The following EID3 variants were observed in gnomAD, a reference collection of about 807,000 sequenced individuals.
EID3 encodes EP300 interacting inhibitor of differentiation 3.
A neutral mutation model predicts 1.6 loss-of-function variants in EID3; 3 were observed. The ratio of observed to expected loss-of-function variants is 1.87; its 90% CI spans 0.85 to 4.83. The LOEUF is 4.83. EID3 is among the 30% of genes most tolerant of loss of function. The probability of loss-of-function intolerance (pLI) is 0.02; values close to 1 mark genes in which losing one functional copy is unlikely to be tolerated. For synonymous variants in EID3, 164 were observed against 148.1 expected (o/e 1.11, Z -0.78); for missense variants, 471 against 409.9 (o/e 1.15, Z -1.29).
Position 104,304,756 on chromosome 12 carries a change from G to C in EID3, c.822G>C (p.Arg274Ser). The C allele has an allele frequency of 1.9e-6, 3 of 1,613,958 alleles. No individual in the cohort carries two copies. The highest frequency in any genetic ancestry group is 2.5e-6 in the Non-Finnish European group (3 of 1,179,892). The change falls in exon 1 of 1, where the codon AGG becomes AGC. Residue 274 changes from arginine to serine, a missense_variant. Physicochemically the swap from Arg to Ser is moderately radical, Grantham distance 110 (BLOSUM62 -1). Transcript: ENST00000527879. ...TAAGAGATGGTTTTGCAAGAATAAG[G>C]CTTGATGAAGACAGGCTGCCAATAT... ...FIVRDGFARI[R>S]LDEDRLPILE...
At position 104,305,002 on chromosome 12, in the gene EID3, A is replaced by G; in HGVS notation, c.*66A>G. 2 of 1,442,798 alleles carry G rather than the reference A, an allele frequency of 1.4e-6. No homozygotes were observed. The highest frequency in any genetic ancestry group is 1.9e-6 in the Non-Finnish European group (2 of 1,077,106). 89.4% of individuals were successfully genotyped at this position (1,442,798 alleles called of 1,614,324 possible). On this transcript the variant is annotated 3_prime_UTR_variant, in exon 1 of 1. Coordinates refer to ENST00000527879, the MANE Select transcript of EID3 (RefSeq NM_001008394.3). ...AAGTTAGATGGAGAGTAAAATGTAA[A>G]CTGAAGCACATATTGTATCTCTTGT... is the stretch of plus-strand genomic sequence containing the variant.
Position 104,304,531 on chromosome 12 carries a change from C to T in EID3, c.597C>T (p.Gly199=). 1 of 1,613,964 alleles carries T rather than the reference C, an allele frequency of 6.2e-7. No individual in the cohort carries two copies. Among genetic ancestry groups the T allele is most frequent in the Non-Finnish European group, 8.5e-7 (1 of 1,179,872 alleles). Residue 199 remains glycine, a synonymous_variant, in exon 1 of 1, where the codon GGC becomes GGT. Transcript: ENST00000527879. The stretch of plus-strand genomic sequence containing the variant: ...AAGTTCGCAAGATGGAAGAAAATGG[C>T]AACATGCCTACAAAGTTGCAGAAGT... ...QKKVRKMEEN[G]NMPTKLQKLD... is the part of the protein sequence containing the mutation.
At position 104,304,174 on chromosome 12, in the gene EID3, G is replaced by T. The variant is rs1275776819; in HGVS notation, c.240G>T (p.Val80=). ...LEEANVLFDG[V]SRTREAALDA... ...AAGCCAACGTCCTCTTTGATGGCGTGAGCCGAACCAGAGAAGCAGCCCTCG... is the reference window on the plus strand; with the variant it reads ...AAGCCAACGTCCTCTTTGATGGCGTTAGCCGAACCAGAGAAGCAGCCCTCG... The change falls in exon 1 of 1, where the codon GTG becomes GTT. Residue 80 remains valine (V), a synonymous_variant. Transcript: ENST00000527879. 1 of 1,613,968 alleles carries T rather than the reference G, an allele frequency of 6.2e-7. No individual in the cohort carries two copies. The highest frequency in any genetic ancestry group is 1.3e-5 in the African/African-American group (1 of 74,948).
Position 104,304,586 on chromosome 12 carries a change from GAAA to G in EID3, c.657_659del (p.Lys219del). ...CCTGAGTAGTTATCCAGAAGCGACA[GAAA>G]AAAACGTAGAAAGGATTTTGGGATT... On this transcript the variant is annotated inframe_deletion, in exon 1 of 1. Transcript: ENST00000527879. 1.2e-6 allele frequency: 2 copies of G among 1,613,946 alleles called. No individual in the cohort carries two copies. Among genetic ancestry groups the G allele is most frequent in the Admixed American group, 1.7e-5 (1 of 60,004 alleles).
chr12:104,304,359 G>T lies in EID3; in HGVS notation c.425G>T (p.Cys142Phe). 6.2e-7 allele frequency: 1 copy of T among 1,614,026 alleles called. No homozygotes were observed. Among genetic ancestry groups the T allele is most frequent in the Non-Finnish European group, 8.5e-7 (1 of 1,179,908 alleles). ...GGCGATCCTGACAAGTTGAGTGATTGTGATGATAGCATAGCTCTTTCCTTC... is the reference window on the plus strand; with the variant it reads ...GGCGATCCTGACAAGTTGAGTGATTTTGATGATAGCATAGCTCTTTCCTTC... ...MEGDPDKLSD[C>F]DDSIALSFWK... Residue 142 changes from cysteine (C) to phenylalanine (F), a missense_variant, in exon 1 of 1, where the codon TGT becomes TTT. By Grantham distance (205) the Cys-to-Phe change is radical (BLOSUM62 -2). Transcript: ENST00000527879.
rs2034751614 is a variant in EID3, at chr12:104,303,821, A to G, written c.-114A>G. ...TACCTCAGAGATACCCGTGGCCGGC[A>G]TGTTGGTTGAAAAAGCTTCCCGGAA... On this transcript the variant is annotated 5_prime_UTR_variant, in exon 1 of 1. It removes an upstream start codon present in the reference 5' UTR. Coordinates refer to ENST00000527879, the MANE Select transcript of EID3 (RefSeq NM_001008394.3). 2.8e-6 allele frequency: 4 copies of G among 1,415,192 alleles called. No homozygotes were observed. Among genetic ancestry groups the G allele is most frequent in the East Asian group, 2.5e-5 (1 of 39,572 alleles). 87.7% of individuals were successfully genotyped at this position (1,415,192 alleles called of 1,614,324 possible).
At position 104,304,225 on chromosome 12, in the gene EID3, T is replaced by C. The variant is rs764739167; in HGVS notation, c.291T>C (p.Ser97=). 11 of 1,613,966 alleles carry C rather than the reference T, an allele frequency of 6.8e-6. No individual in the cohort carries two copies. Among genetic ancestry groups the C allele is most frequent in the Non-Finnish European group, 9.3e-6 (11 of 1,179,914 alleles). Residue 97 remains serine (S), a synonymous_variant, in exon 1 of 1, where the codon TCT becomes TCC. Transcript: ENST00000527879. ...ACGCCCGGTTTCTTGTTATGGCTTCTGATTTGGGTAAAGAAAAGGCAAAGC... is the reference window on the plus strand; with the variant it reads ...ACGCCCGGTTTCTTGTTATGGCTTCCGATTTGGGTAAAGAAAAGGCAAAGC... ...ALDARFLVMA[S]DLGKEKAKQL...
In EID3 at chr12:104,304,617, T is replaced by C. The variant is rs868212037; in HGVS notation, c.683T>C (p.Leu228Ser). 3.1e-6 allele frequency: 5 copies of C among 1,613,952 alleles called. No individual in the cohort carries two copies. The highest frequency in any genetic ancestry group is 4.2e-6 in the Non-Finnish European group (5 of 1,179,810). The change falls in exon 1 of 1, where the codon TTG becomes TCG. Residue 228 changes from leucine to serine, a missense_variant. By Grantham distance (145) the Leu-to-Ser change is moderately radical. Transcript: ENST00000527879. Reference protein sequence around the residue: ...EKNVERILGLLQTYFRKYPDT... With the variant: ...EKNVERILGLSQTYFRKYPDT... ...AACGTAGAAAGGATTTTGGGATTGT[T>C]GCAAACCTACTTTCGAAAGTATCCT... is the stretch of plus-strand genomic sequence containing the variant.
rs775026734 is a variant in EID3 at position 104,304,281 on chromosome 12, A to G, written c.347A>G (p.Gln116Arg). 50 of 1,613,932 alleles carry G rather than the reference A, an allele frequency of 3.1e-5. No homozygotes were observed. The Admixed American group carries it at 8.2e-4, about 26-fold the overall frequency. ...AACTCAGATATGAACTTCTTTAATC[A>G]GTTAGCATTTTGTGACTTTCTGTTT... The part of the protein sequence containing the change: ...QLNSDMNFFN[Q>R]LAFCDFLFLF... The change falls in exon 1 of 1, where the codon CAG becomes CGG. Residue 116 changes from glutamine (Q) to arginine (R), a missense_variant. Coordinates refer to ENST00000527879, the MANE Select transcript of EID3 (RefSeq NM_001008394.3).
In EID3 at chr12:104,303,941, A is replaced by G. The variant is rs1396069524; in HGVS notation, c.7A>G (p.Met3Val). The change falls in exon 1 of 1, where the codon ATG becomes GTG. Residue 3 changes from methionine (M) to valine (V), a missense_variant. By Grantham distance (21) the Met-to-Val change is conservative (BLOSUM62 1). Coordinates refer to ENST00000527879, the MANE Select transcript of EID3 (RefSeq NM_001008394.3). ...GGCGGCGGAGGGAGCGCTGATGAAG[A>G]TGGATGTGTCAGTGAGGGCCGCGGG... The part of the protein sequence containing the change: MK[M>V]DVSVRAAGCS... 6.3e-7 allele frequency: 1 copy of G among 1,595,006 alleles called. No individual in the cohort carries two copies. Among genetic ancestry groups the G allele is most frequent in the Non-Finnish European group, 8.5e-7 (1 of 1,175,618 alleles).
chr12:104,303,755 G>C lies in EID3; in HGVS notation c.-180G>C. ...CTAGTGCGCATGGGCGGGCGTCCTC[G>C]GCTCTAACTGCCGCCACTTTCCACA... On this transcript the variant is annotated 5_prime_UTR_variant, in exon 1 of 1. Transcript: ENST00000527879. 2 of 1,061,428 alleles carry C rather than the reference G, an allele frequency of 1.9e-6. No individual in the cohort carries two copies. The highest frequency in any genetic ancestry group is 1.6e-5 in the African/African-American group (1 of 60,916). 65.8% of individuals were successfully genotyped at this position (1,061,428 alleles called of 1,614,324 possible). A position where few individuals can be genotyped will look rare whatever the true frequency, so the allele number is the denominator to read the frequency against.
At position 104,304,844 on chromosome 12, in the gene EID3, CAG is replaced by C. The variant is rs2034824764; in HGVS notation, c.911_912del (p.Gln304ArgfsTer18). The C allele has an allele frequency of 6.2e-7, 1 of 1,613,824 alleles. No homozygotes were observed. ...TGATTCCAGTTGCCATGGCAGGAAA[CAG>C]GGAGTTATATCTTTGACTTTACAGG... ...GNDSSCHGRK[Q>X]GVISLTLQEW... is the part of the protein sequence containing the mutation. On this transcript the variant is annotated frameshift_variant, in exon 1 of 1. Coordinates refer to ENST00000527879, the MANE Select transcript of EID3 (RefSeq NM_001008394.3). LOFTEE classifies it high-confidence loss of function.
At position 104,304,207 on chromosome 12, in the gene EID3, G is replaced by T. The variant is rs1019631741; in HGVS notation, c.273G>T (p.Arg91=). ...SRTREAALDA[R]FLVMASDLGK... ...CCAGAGAAGCAGCCCTCGACGCCCG[G>T]TTTCTTGTTATGGCTTCTGATTTGG... Residue 91 remains arginine, a synonymous_variant, in exon 1 of 1, where the codon CGG becomes CGT. Transcript: ENST00000527879. 10 of 1,613,966 alleles carry T rather than the reference G, an allele frequency of 6.2e-6. No individual in the cohort carries two copies. Among genetic ancestry groups the T allele is most frequent in the Non-Finnish European group, 8.5e-6 (10 of 1,179,914 alleles).
chr12:104,303,993 A>T lies in EID3; in HGVS notation c.59A>T (p.Glu20Val). 6.2e-7 allele frequency: 1 copy of T among 1,609,122 alleles called. No homozygotes were observed. The highest frequency in any genetic ancestry group is 8.5e-7 in the Non-Finnish European group (1 of 1,179,798). ...AGCSDDLSSG[E>V]ADVDPKLLEL... The stretch of plus-strand genomic sequence containing the variant: ...TGCTCCGACGACCTCAGCTCTGGGG[A>T]GGCCGACGTAGACCCAAAGCTCCTG... The change falls in exon 1 of 1, where the codon GAG (glutamate) becomes GTG (valine). Residue 20 changes from glutamate to valine, a missense_variant. Physicochemically the swap from Glu to Val is moderately radical, Grantham distance 121. Transcript: ENST00000527879.
chr12:104,304,015 C>G lies in EID3; in HGVS notation c.81C>G (p.Leu27=), dbSNP rs747182777. 1.2e-6 allele frequency: 2 copies of G among 1,612,136 alleles called. No homozygotes were observed. Among genetic ancestry groups the G allele is most frequent in the South Asian group, 1.1e-5 (1 of 91,064 alleles). Reference sequence around the variant, plus strand: ...GGGAGGCCGACGTAGACCCAAAGCTCCTGGAGCTCACCGCTGACGAGGAGA... The same window carrying G: ...GGGAGGCCGACGTAGACCCAAAGCTGCTGGAGCTCACCGCTGACGAGGAGA... ...SSGEADVDPK[L]LELTADEEKC... Residue 27 remains leucine, a synonymous_variant, in exon 1 of 1, where the codon CTC becomes CTG. Coordinates refer to ENST00000527879, the MANE Select transcript of EID3 (RefSeq NM_001008394.3).
Position 104,304,501 on chromosome 12 carries a change from GA to G in EID3, c.573del (p.Val192PhefsTer19), listed in dbSNP as rs1168322267. The stretch of plus-strand genomic sequence containing the variant: ...CACCAAAGCCCCGACTTGAACACCA[GA>G]AAAAAGTTCGCAAGATGGAAGAAAA... ...SAPKPRLEHQKKVRKMEENGN... is the reference protein window; with the variant it reads ...SAPKPRLEHQXKVRKMEENGN... On this transcript the variant is annotated frameshift_variant, in exon 1 of 1. Coordinates refer to ENST00000527879, the MANE Select transcript of EID3 (RefSeq NM_001008394.3). LOFTEE classifies it low-confidence loss of function (END_TRUNC). The G allele has an allele frequency of 1.9e-6, 3 of 1,613,830 alleles. No homozygotes were observed. The highest frequency in any genetic ancestry group is 1.7e-6 in the Non-Finnish European group (2 of 1,179,890).
rs537709102 is a variant in EID3 at position 104,304,446 on chromosome 12, T to C, written c.512T>C (p.Val171Ala). ...WMVKAETFHFVFGSFKLERSA... is the reference protein window; with the variant it reads ...WMVKAETFHFAFGSFKLERSA... ...GTAAAAGCTGAGACATTCCATTTTG[T>C]TTTTGGTTCATTCAAGCTAGAACGT... The change falls in exon 1 of 1, where the codon GTT becomes GCT. Residue 171 changes from valine to alanine, a missense_variant. Coordinates refer to ENST00000527879, the MANE Select transcript of EID3 (RefSeq NM_001008394.3). 6.2e-7 allele frequency: 1 copy of C among 1,614,042 alleles called. No homozygotes were observed. Among genetic ancestry groups the C allele is most frequent in the Non-Finnish European group, 8.5e-7 (1 of 1,179,900 alleles).
rs1276428554 is a variant in EID3, at chr12:104,304,219, G to A, written c.285G>A (p.Met95Ile). The A allele has an allele frequency of 6.2e-7, 1 of 1,614,046 alleles. No homozygotes were observed. Among genetic ancestry groups the A allele is most frequent in the Non-Finnish European group, 8.5e-7 (1 of 1,179,906 alleles). Residue 95 changes from methionine to isoleucine, a missense_variant, in exon 1 of 1, where the codon ATG (methionine) becomes ATA (isoleucine). By Grantham distance (10) the Met-to-Ile change is conservative (BLOSUM62 1). Coordinates refer to ENST00000527879, the MANE Select transcript of EID3 (RefSeq NM_001008394.3). Reference sequence around the variant, plus strand: ...CCCTCGACGCCCGGTTTCTTGTTATGGCTTCTGATTTGGGTAAAGAAAAGG... The same window carrying A: ...CCCTCGACGCCCGGTTTCTTGTTATAGCTTCTGATTTGGGTAAAGAAAAGG... ...EAALDARFLV[M>I]ASDLGKEKAK... is the part of the protein sequence containing the mutation.
Position 104,303,972 on chromosome 12 carries a change from C to T in EID3, c.38C>T (p.Ser13Phe), listed in dbSNP as rs1188997328. Residue 13 changes from serine to phenylalanine, a missense_variant, in exon 1 of 1, where the codon TCC (serine) becomes TTC (phenylalanine). Physicochemically the swap from Ser to Phe is radical, Grantham distance 155 (BLOSUM62 -2). Transcript: ENST00000527879. ...GTGTCAGTGAGGGCCGCGGGCTGCT[C>T]CGACGACCTCAGCTCTGGGGAGGCC... ...MDVSVRAAGC[S>F]DDLSSGEADV... is the part of the protein sequence containing the mutation. 1 of 1,605,086 alleles carries T rather than the reference C, an allele frequency of 6.2e-7. No homozygotes were observed. The highest frequency in any genetic ancestry group is 8.5e-7 in the Non-Finnish European group (1 of 1,179,346).
Sources: gnomAD v4.1 joint callset for allele counts on GRCh38, gnomAD v4.1.1 for gene constraint, MANE v1.5 for transcripts, NCBI Gene and HGNC (gene_info 2026-07-23, HGNC 2026-07-21) for gene names.